Variants in PARP1 observed in about 807,000 individuals in gnomAD.
The protein encoded by PARP1 is poly(ADP-ribose) polymerase 1.
In PARP1, 44 loss-of-function variants were observed where a neutral mutation model predicts 118.7. The ratio of observed to expected loss-of-function variants is 0.37; its 90% confidence interval spans 0.29 to 0.48. PARP1 has a LOEUF of 0.48. PARP1 is among the 20% of genes least tolerant of loss of function. The pLI is 0.99. For missense variants in PARP1, 1,100 were observed against 1,272.4 expected (o/e 0.86, Z 2.06); for synonymous variants, 492 against 483.2 (o/e 1.02, Z -0.24).
At chr1:226,370,413 C>T in intron 15 of PARP1, 21 bp downstream of exon 15, 1 of 1,595,354 alleles carries the variant, frequency 6.3e-7, no homozygotes, top group Non-Finnish European at 8.6e-7. Flanking sequence ...TCCAGGAGGC[C>T]CCTGGTAGCC....
intron 2 of PARP1, chr1:226,401,833 A>C (rs1174027173): frequency 1.6e-6 from 1 of 626,368 alleles, no homozygotes; most frequent in Admixed American, 3.4e-5. Context: ...GTGTCAGTGT[A>C]GGTTCCTCAA....
rs59275599 is a variant in PARP1, at chr1:226,398,527, T to TAA, written c.286+3685_286+3686dup. 6.8e-4 allele frequency among the ~76,000 whole-genome samples: 94 copies of TAA among 138,382 alleles called. 1 individual carries two copies. Among genetic ancestry groups the TAA allele is most frequent in the Admixed American group, 1.9e-3 (26 of 13,974 alleles). The allele number at this position is 138,382 out of a possible 152,430, so 90.8% of individuals were successfully genotyped here. ...CCTGGGCGACGGAGCAAGACAGTCT[T>TAA]AAAAAAAAAAAAAAAAAGTGGGGGT... On this transcript the variant is annotated intron_variant, in intron 2 of 22. Transcript: ENST00000366794.
At chr1:226,364,238 C>T in intron 19 of PARP1, 168 bp from the exon 20 acceptor site, 1 of 660,568 alleles carries the variant, frequency 1.5e-6, no homozygotes, top group Non-Finnish European at 2.7e-6. Flanking sequence ...GCTCACAAGC[C>T]AGGCTGTCAG....
chr1:226,390,311 GA>G, intron 4 of PARP1, 98 bp downstream of exon 4: 1 of 1,035,116 alleles, frequency 9.7e-7, no homozygotes, highest in Non-Finnish European at 1.5e-6. Context: ...GACAGTCAGC[GA>G]AGGGAAACAG....
rs139860507 is a variant in PARP1 at position 226,403,505 on chromosome 1, C to T, written c.121-1126G>A. Among the ~76,000 whole-genome samples, 16 of 152,310 alleles carry T rather than the reference C, an allele frequency of 1.1e-4. No individual in the cohort carries two copies. In the East Asian group the frequency reaches 2.7e-3, roughly 26 times the overall value. The stretch of plus-strand genomic sequence containing the variant: ...GGCTTTACAGAGTGGACGGTGACAG[C>T]GATTGGGAAGAAGGGGAAGACACAG... On this transcript the variant is annotated intron_variant, in intron 1 of 22. Transcript: ENST00000366794.
At chr1:226,402,890 C>A (rs534651674) in intron 1 of PARP1, among the ~76,000 whole-genome samples, 1 of 152,326 alleles carries the variant, frequency 6.6e-6, no homozygotes, top group Admixed American at 6.5e-5. Context: ...TAACAAGGAA[C>A]AAGTCCCAGA....
At chr1:226,392,378 CCG>C (rs1431023448) in intron 2 of PARP1, 64 bp from the exon 3 acceptor site, 57 of 1,118,978 alleles carry the variant, frequency 5.1e-5, no homozygotes, top group Non-Finnish European at 4.9e-5. Flanking sequence ...CAGAGGAGCC[CCG>C]TCCTCTTCTA....
intron 5 of PARP1, among the ~76,000 whole-genome samples, chr1:226,386,881 T>C (rs1277803741): frequency 1.3e-5 from 2 of 152,130 alleles, no homozygotes; most frequent in Admixed American, 6.5e-5. Context: ...TGATGGTATA[T>C]TATATTCAGT....
chr1:226,362,066 G>A lies in PARP1; in HGVS notation c.2866C>T (p.Pro956Ser), dbSNP rs78381515. 12 of 1,613,106 alleles carry A rather than the reference G, an allele frequency of 7.4e-6. No homozygotes were observed. The East Asian group carries it at 2.2e-4, about 30-fold the overall frequency. Residue 956 changes from proline to serine, a missense_variant, in exon 22 of 23, where the codon CCT (proline) becomes TCT (serine). By Grantham distance (74) the Pro-to-Ser change is moderately conservative. Around this residue, in one of 2 missense-constraint regions of PARP1, gnomAD observed 152 missense variants for 240.6 expected, o/e 0.63. Coordinates refer to ENST00000366794, the MANE Select transcript of PARP1 (RefSeq NM_001618.4). ...AGACTAATGTTAGCTGAAGGATCAG[G>A]GGTAGTTTTGCCCAAACCTGAAAAA... Reference protein sequence around the residue: ...HSVKGLGKTTPDPSANISLDG... With the variant: ...HSVKGLGKTTSDPSANISLDG...
At chr1:226,387,602 A>G (rs2793383) in intron 5 of PARP1, among the ~76,000 whole-genome samples, 127,139 of 152,164 alleles carry the variant, frequency 0.84, 53,657 homozygotes, top group East Asian at 0.94. Flanking sequence ...ACACTGGGAC[A>G]CCAGGAATGG....
chr1:226,388,143 G>A lies in PARP1; in HGVS notation c.717+513C>T, dbSNP rs114113278. On this transcript the variant is annotated intron_variant, in intron 5 of 22. Transcript: ENST00000366794. ...ACAGGGATGAATCTTTCTGGTCAAG[G>A]ACCACTGATTTAATGGATAGTTTTC... is the stretch of plus-strand genomic sequence containing the variant. 1.3e-3 allele frequency among the ~76,000 whole-genome samples: 204 copies of A among 152,274 alleles called. 1 individual carries two copies. The highest frequency in any genetic ancestry group is 4.6e-3 in the African/African-American group (193 of 41,542).
At chr1:226,365,922 C>T in intron 18 of PARP1, 32 bp downstream of exon 18, 1 of 1,433,088 alleles carries the variant, frequency 7.0e-7, no homozygotes. Flanking sequence ...TGGCAGGACA[C>T]AGAAGGAAGT....
At chr1:226,394,619 C>T (rs970520925) in intron 2 of PARP1, among the ~76,000 whole-genome samples, 2 of 152,132 alleles carry the variant, frequency 1.3e-5, no homozygotes, top group African/African-American at 4.8e-5. Flanking sequence ...ATTCTAGTCT[C>T]AAAGAAAGAC....
chr1:226,377,225 C>G lies in PARP1; in HGVS notation c.1824G>C (p.Glu608Asp). The change falls in exon 13 of 23, where the codon GAG (glutamate) becomes GAC (aspartate). Residue 608 changes from glutamate (E) to aspartate (D), a missense_variant. Around this residue, in one of 2 missense-constraint regions of PARP1, gnomAD observed 948 missense variants for 1,031.8 expected, o/e 0.92. Transcript: ENST00000366794. ...SNKLEQMPSKEDAIEHFMKLY... is the reference protein window; with the variant it reads ...SNKLEQMPSKDDAIEHFMKLY... Reference sequence around the variant, plus strand: ...ATTTCATGAAGTGCTCAATGGCATCCTCCTTGGACGGCATCTGTTCCAGTT... The same window carrying G: ...ATTTCATGAAGTGCTCAATGGCATCGTCCTTGGACGGCATCTGTTCCAGTT... 6.2e-7 allele frequency: 1 copy of G among 1,614,090 alleles called. No homozygotes were observed. The highest frequency in any genetic ancestry group is 8.5e-7 in the Non-Finnish European group (1 of 1,179,982).
intron 9 of PARP1, among the ~76,000 whole-genome samples, chr1:226,380,396 CA>C (rs1664580612): frequency 6.6e-6 from 1 of 152,144 alleles, no homozygotes; most frequent in Admixed American, 6.6e-5. Context: ...ACGATGTTAA[CA>C]AACACTCCAA....
At chr1:226,402,131 T>A in intron 2 of PARP1, 83 bp downstream of exon 2, 3 of 1,611,682 alleles carry the variant, frequency 1.9e-6, no homozygotes, top group Non-Finnish European at 2.5e-6. Context: ...CTGGGGGAGG[T>A]TTGCTTTGCT....
chr1:226,374,661 C>T lies in PARP1; in HGVS notation c.1942-307G>A, dbSNP rs148653874. ...GGGGTTGCTGGTCCCTGCCTGGGAA[C>T]CTGTCTAGTGCCCACTCATGCCCAA... On this transcript the variant is annotated intron_variant, in intron 13 of 22. Coordinates refer to ENST00000366794, the MANE Select transcript of PARP1 (RefSeq NM_001618.4). Among the ~76,000 whole-genome samples, 964 of 152,320 alleles carry T rather than the reference C, an allele frequency of 6.3e-3. 4 individuals carry two copies. Among genetic ancestry groups the T allele is most frequent in the Non-Finnish European group, 7.9e-3 (537 of 68,016 alleles).
chr1:226,365,260 G>C (rs1043782885), intron 18 of PARP1, 106 bp from the exon 19 acceptor site: 9 of 1,252,694 alleles, frequency 7.2e-6, no homozygotes, highest in Admixed American at 3.6e-5. Flanking sequence ...TGTCCCTAAG[G>C]CTAGAAGACT....
chr1:226,365,570 C>T (rs1312189581), intron 18 of PARP1, among the ~76,000 whole-genome samples: 1 of 152,116 alleles, frequency 6.6e-6, no homozygotes, highest in Non-Finnish European at 1.5e-5. Flanking sequence ...AGTTCAAGAC[C>T]AGCCTGGCCA....
Sources: gnomAD v4.1 joint callset for allele counts (sites outside exome capture counted in the v4.1 genomes callset) on GRCh38, gnomAD v4.1.1 for gene constraint, gnomAD v4.1.1 regional missense constraint, MANE v1.5 for transcripts, NCBI Gene and HGNC (gene_info 2026-07-23, HGNC 2026-07-21) for gene names.